The following SLITRK2 variants were observed in gnomAD, a reference collection of about 807,000 sequenced individuals.
SLITRK2 encodes SLIT and NTRK-like protein 2.
In SLITRK2, 13 loss-of-function variants were observed where a neutral mutation model predicts 35.4. The ratio of observed to expected loss-of-function variants is 0.37; its 90% CI spans 0.24 to 0.58. The LOEUF is 0.58. Ranked by LOEUF, SLITRK2 falls within the 20% of genes least tolerant of loss-of-function variation. The pLI is 0.75. For missense variants in SLITRK2, 471 were observed against 634.3 expected, an observed-to-expected ratio of 0.74 and a Z score of 2.76; for synonymous variants, 294 against 264.7, an observed-to-expected ratio of 1.11 and a Z score of -1.07.
In SLITRK2 at chrX:145,827,487, A is replaced by T; in HGVS notation, c.*2524A>T. On this transcript the variant is annotated 3_prime_UTR_variant, in exon 5 of 5. Transcript: ENST00000335565. ...GTAAAATGCCATTGTCCATAGAAAAAATATTAACTCATTAAGTTTAAAGAC... is the reference window on the plus strand; with the variant it reads ...GTAAAATGCCATTGTCCATAGAAAATATATTAACTCATTAAGTTTAAAGAC... 2.9e-6 allele frequency: 1 copy of T among 343,301 alleles called. No individual in the cohort carries two copies. Among genetic ancestry groups the T allele is most frequent in the Non-Finnish European group, 4.8e-6 (1 of 207,493 alleles). The allele number at this position is 343,301 out of a possible 1,213,427, so 28.3% of individuals were successfully genotyped here.
Position 145,824,913 on chromosome X carries a change from C to T in SLITRK2, c.2488C>T (p.Pro830Ser), listed in dbSNP as rs782228198. The change falls in exon 5 of 5, where the codon CCG (proline) becomes TCG (serine). Residue 830 changes from proline to serine, a missense_variant. Coordinates refer to ENST00000335565, the MANE Select transcript of SLITRK2 (RefSeq NM_032539.5). ...ACTGCAAGCTAAGCCGCAATCAGAACCGGACTACCTCGAAGTTCTGGAAAA... is the reference window on the plus strand; with the variant it reads ...ACTGCAAGCTAAGCCGCAATCAGAATCGGACTACCTCGAAGTTCTGGAAAA... ...PLLQAKPQSE[P>S]DYLEVLEKQT... The T allele has an allele frequency of 8.3e-7, 1 of 1,210,308 alleles. No individual in the cohort carries two copies. Among genetic ancestry groups the T allele is most frequent in the Admixed American group, 2.2e-5 (1 of 45,750 alleles).
chrX:145,822,683 C>T lies in SLITRK2; in HGVS notation c.258C>T (p.Ser86=), dbSNP rs1556943841. 1.7e-6 allele frequency: 2 copies of T among 1,211,556 alleles called. No individual in the cohort carries two copies. Among genetic ancestry groups the T allele is most frequent in the African/African-American group, 1.7e-5 (1 of 57,691 alleles). ...ATCCAAACGAATTTGTCAATTACTC[C>T]AACGCGGTGACTCTTCACCTAGGTA... ...RLYPNEFVNY[S]NAVTLHLGNN... The change falls in exon 5 of 5, where the codon TCC becomes TCT. Residue 86 remains serine (S), a synonymous_variant. Transcript: ENST00000335565.
In SLITRK2 at chrX:145,824,016, T is replaced by C; in HGVS notation, c.1591T>C (p.Trp531Arg). ...CCAGATAGATCTGCAGGAGAACCCC[T>C]GGGACTGTACCTGTGACATCATGGG... ...FIQIDLQENPWDCTCDIMGLK... is the reference protein window; with the variant it reads ...FIQIDLQENPRDCTCDIMGLK... The change falls in exon 5 of 5, where the codon TGG (tryptophan) becomes CGG (arginine). Residue 531 changes from tryptophan to arginine, a missense_variant. Physicochemically the swap from Trp to Arg is moderately radical, Grantham distance 101. Transcript: ENST00000335565. 8.3e-7 allele frequency: 1 copy of C among 1,209,246 alleles called. No individual in the cohort carries two copies. The highest frequency in any genetic ancestry group is 1.1e-6 in the Non-Finnish European group (1 of 894,386).
At chrX:145,822,299 C>A (rs1403539117) in intron 4 of SLITRK2, 84 bp from the exon 5 acceptor site, 3 of 526,262 alleles carry the variant, frequency 5.7e-6, no homozygotes, top group Non-Finnish European at 6.2e-6. Flanking sequence ...GCTCCCACTC[C>A]GCCTCCTTGC....
At position 145,817,922 on chromosome X, in the gene SLITRK2, G is replaced by C. The variant is rs2124115699; in HGVS notation, c.-897G>C. On this transcript the variant is annotated 5_prime_UTR_variant, in exon 1 of 5. Transcript: ENST00000335565. ...CGCCCGCGCTCCCCGCGGTGCTCTC[G>C]CTCCTGGGCTGCGCCAGTCCGAGGC... 9.1e-6 allele frequency: 1 copy of C among 109,663 alleles called. No homozygotes were observed. Among genetic ancestry groups the C allele is most frequent in the South Asian group, 4.1e-4 (1 of 2,458 alleles). The allele number at this position is 109,663 out of a possible 1,213,427, so 9.0% of individuals were successfully genotyped here.
Position 145,828,923 on chromosome X carries a change from T to C in SLITRK2, c.*3960T>C, listed in dbSNP as rs1448865032. 1.6e-5 allele frequency: 2 copies of C among 123,812 alleles called. No individual in the cohort carries two copies. The highest frequency in any genetic ancestry group is 6.5e-5 in the African/African-American group (2 of 30,978). The allele number at this position is 123,812 out of a possible 1,213,427, so 10.2% of individuals were successfully genotyped here. On this transcript the variant is annotated 3_prime_UTR_variant, in exon 5 of 5. Transcript: ENST00000335565. ...ATGTTATGGCCTAATGAAAGCTATA[T>C]ACTTGTGCTATCTAAAGCACTACTT... is the stretch of plus-strand genomic sequence containing the variant.
At position 145,825,228 on chromosome X, in the gene SLITRK2, A is replaced by G; in HGVS notation, c.*265A>G. 1 of 291,539 alleles carries G rather than the reference A, an allele frequency of 3.4e-6. No homozygotes were observed. The highest frequency in any genetic ancestry group is 6.0e-6 in the Non-Finnish European group (1 of 166,633). 24.0% of individuals were successfully genotyped at this position (291,539 alleles called of 1,213,427 possible). A position where few individuals can be genotyped will look rare whatever the true frequency, so the allele number is the denominator to read the frequency against. ...CTCTTCTTAGGAACCATCAGTGGAC[A>G]TGAATGTTTCTACAATGCATTTCTT... On this transcript the variant is annotated 3_prime_UTR_variant, in exon 5 of 5. Coordinates refer to ENST00000335565, the MANE Select transcript of SLITRK2 (RefSeq NM_032539.5).
intron 2 of SLITRK2, chrX:145,820,944 C>T (rs1206355721): frequency 1.8e-5 from 2 of 109,581 alleles, no homozygotes; most frequent in African/African-American, 3.3e-5. Flanking sequence ...TATAAATCCC[C>T]TAAGAGAACT....
chrX:145,820,732 C>T (rs1430038421), intron 2 of SLITRK2, 196 bp downstream of exon 2: 1 of 111,759 alleles, frequency 8.9e-6, no homozygotes, highest in Non-Finnish European at 1.9e-5. Context: ...CTTCTTTTCT[C>T]CTTCCTCCAG....
Position 145,823,820 on chromosome X carries a change from G to A in SLITRK2, c.1395G>A (p.Leu465=), listed in dbSNP as rs2124184815. ...ATGTCATTAAGGAAATTAAGCCTCT[G>A]ACCTTTGATGCTTTGATTAACCTAC... The part of the protein sequence containing the change: ...EYNVIKEIKP[L]TFDALINLQL... Residue 465 remains leucine, a synonymous_variant, in exon 5 of 5, where the codon CTG becomes CTA. Coordinates refer to ENST00000335565, the MANE Select transcript of SLITRK2 (RefSeq NM_032539.5). 10 of 1,209,411 alleles carry A rather than the reference G, an allele frequency of 8.3e-6. No homozygotes were observed. The highest frequency in any genetic ancestry group is 1.1e-5 in the Non-Finnish European group (10 of 894,269).
At position 145,825,154 on chromosome X, in the gene SLITRK2, C is replaced by T. The variant is rs2073103735; in HGVS notation, c.*191C>T. ...GTTTTCCTTTAAATTATTTCTCTCT[C>T]GCTCTCCTCCCCTCCTTTTTTTTTT... On this transcript the variant is annotated 3_prime_UTR_variant, in exon 5 of 5. Coordinates refer to ENST00000335565, the MANE Select transcript of SLITRK2 (RefSeq NM_032539.5). The T allele has an allele frequency of 3.0e-6, 1 of 333,572 alleles. No homozygotes were observed. The highest frequency in any genetic ancestry group is 5.0e-6 in the Non-Finnish European group (1 of 199,228). The allele number at this position is 333,572 out of a possible 1,213,427, so 27.5% of individuals were successfully genotyped here.
intron 2 of SLITRK2, chrX:145,821,117 T>TCACACACACACACACACA (rs1251552151): frequency 2.2e-5 from 1 of 45,579 alleles, no homozygotes; most frequent in African/African-American, 8.5e-5. Context: ...TCTCTCTCTC[T>TCACACACACACACACACA]CTCTCACTCA....
chrX:145,827,594 T>A lies in SLITRK2; in HGVS notation c.*2631T>A, dbSNP rs1556946079. 2 of 880,219 alleles carry A rather than the reference T, an allele frequency of 2.3e-6. No individual in the cohort carries two copies. Among genetic ancestry groups the A allele is most frequent in the African/African-American group, 4.1e-5 (2 of 48,747 alleles). 72.5% of individuals were successfully genotyped at this position (880,219 alleles called of 1,213,427 possible). A position where few individuals can be genotyped will look rare whatever the true frequency, so the allele number is the denominator to read the frequency against. ...ACTCAAATTTATAAACTCTGTTGCC[T>A]AATAATTATGGTTTAATTCTATATC... On this transcript the variant is annotated 3_prime_UTR_variant, in exon 5 of 5. Coordinates refer to ENST00000335565, the MANE Select transcript of SLITRK2 (RefSeq NM_032539.5).
rs782810327 is a variant in SLITRK2, at chrX:145,823,591, C to T, written c.1166C>T (p.Thr389Ile). The change falls in exon 5 of 5, where the codon ACT becomes ATT. Residue 389 changes from threonine to isoleucine, a missense_variant. Physicochemically the swap from Thr to Ile is moderately conservative, Grantham distance 89 (BLOSUM62 -1). Around this residue, in one of 7 missense-constraint regions of SLITRK2, gnomAD observed 92 missense variants for 184.2 expected, o/e 0.50. Transcript: ENST00000335565. ...KLYLTGNYLQ[T>I]VYKNDLLEYS... ...TACCTAACAGGGAACTATCTTCAAA[C>T]TGTCTATAAGAATGACCTCTTAGAA... is the stretch of plus-strand genomic sequence containing the variant. The T allele has an allele frequency of 2.9e-5, 35 of 1,210,001 alleles. No individual in the cohort carries two copies. Among genetic ancestry groups the T allele is most frequent in the Non-Finnish European group, 3.5e-5 (31 of 894,956 alleles).
chrX:145,824,346 G>A lies in SLITRK2; in HGVS notation c.1921G>A (p.Val641Ile), dbSNP rs1218861987. 2.5e-6 allele frequency: 3 copies of A among 1,210,998 alleles called. No homozygotes were observed. The highest frequency in any genetic ancestry group is 2.2e-6 in the Non-Finnish European group (2 of 895,408). ...LSVCFGAGLF[V>I]FVLKRRKGVP... ...TGTCTGTTTTGGGGCTGGTTTATTC[G>A]TCTTTGTCTTGAAACGCCGAAAGGG... The change falls in exon 5 of 5, where the codon GTC becomes ATC. Residue 641 changes from valine to isoleucine, a missense_variant. By Grantham distance (29) the Val-to-Ile change is conservative. Around this residue, in one of 7 missense-constraint regions of SLITRK2, gnomAD observed 190 missense variants for 199.3 expected, o/e 0.95. Transcript: ENST00000335565.
rs782793933 is a variant in SLITRK2 at position 145,823,977 on chromosome X, C to G, written c.1552C>G (p.Leu518Val). The G allele has an allele frequency of 4.1e-6, 5 of 1,208,852 alleles. No homozygotes were observed. The highest frequency in any genetic ancestry group is 5.6e-6 in the Non-Finnish European group (5 of 894,870). ...HLPVKGVLDQLPAFIQIDLQE... is the reference protein window; with the variant it reads ...HLPVKGVLDQVPAFIQIDLQE... The stretch of plus-strand genomic sequence containing the variant: ...GCCCGTGAAAGGGGTTCTGGATCAG[C>G]TCCCGGCTTTCATCCAGATAGATCT... The change falls in exon 5 of 5, where the codon CTC becomes GTC. Residue 518 changes from leucine (L) to valine (V), a missense_variant. Physicochemically the swap from Leu to Val is conservative, Grantham distance 32 (BLOSUM62 1). Around this residue, in one of 7 missense-constraint regions of SLITRK2, gnomAD observed 92 missense variants for 184.2 expected, o/e 0.50. Coordinates refer to ENST00000335565, the MANE Select transcript of SLITRK2 (RefSeq NM_032539.5).
chrX:145,824,072 C>G lies in SLITRK2; in HGVS notation c.1647C>G (p.Ser549=), dbSNP rs782507529. The G allele has an allele frequency of 2.5e-6, 3 of 1,210,693 alleles. No individual in the cohort carries two copies. The highest frequency in any genetic ancestry group is 3.4e-6 in the Non-Finnish European group (3 of 895,067). Residue 549 remains serine (S), a synonymous_variant, in exon 5 of 5, where the codon TCC becomes TCG. Transcript: ENST00000335565. ...AAGACTGGACAGAACATGCCAATTC[C>G]CCTGTCATCATTAATGAGGTGACTT... is the stretch of plus-strand genomic sequence containing the variant. ...GLKDWTEHAN[S]PVIINEVTCE...
rs2073116246 is a variant in SLITRK2, at chrX:145,825,678, T to C, written c.*715T>C. 8.1e-6 allele frequency: 1 copy of C among 123,751 alleles called. No homozygotes were observed. Among genetic ancestry groups the C allele is most frequent in the African/African-American group, 3.2e-5 (1 of 30,967 alleles). 10.2% of individuals were successfully genotyped at this position (123,751 alleles called of 1,213,427 possible). Reference sequence around the variant, plus strand: ...TTATAGAAACCAGCCTGTCATCAAATGATTCTAGTTCTAGGACTTTGTAGG... The same window carrying C: ...TTATAGAAACCAGCCTGTCATCAAACGATTCTAGTTCTAGGACTTTGTAGG... On this transcript the variant is annotated 3_prime_UTR_variant, in exon 5 of 5. Transcript: ENST00000335565.
rs5904151 is a variant in SLITRK2 at position 145,825,169 on chromosome X, CTTTTTT to C, written c.*223_*228del. On this transcript the variant is annotated 3_prime_UTR_variant, in exon 5 of 5. Coordinates refer to ENST00000335565, the MANE Select transcript of SLITRK2 (RefSeq NM_032539.5). ...ATTTCTCTCTCGCTCTCCTCCCCTC[CTTTTTT>C]TTTTTTTTTTTTTTTTCTTTTTCCC... is the stretch of plus-strand genomic sequence containing the variant. 338 of 216,905 alleles carry C rather than the reference CTTTTTT, an allele frequency of 1.6e-3. No individual in the cohort carries two copies. The highest frequency in any genetic ancestry group is 2.5e-3 in the East Asian group (32 of 12,732). 17.9% of individuals were successfully genotyped at this position (216,905 alleles called of 1,213,427 possible). A position where few individuals can be genotyped will look rare whatever the true frequency, so the allele number is the denominator to read the frequency against.
Sources: allele counts gnomAD v4.1 joint callset, GRCh38; gene constraint gnomAD v4.1.1; regional missense constraint gnomAD v4.1.1; transcripts MANE v1.5; gene names NCBI Gene and HGNC (gene_info 2026-07-23, HGNC 2026-07-21).